GALP: variants seen among roughly 807,000 people sequenced by gnomAD.
The protein encoded by GALP is galanin like peptide.
GALP carries 12 observed loss-of-function variants against 15.2 expected under a neutral mutation model. That is an observed-to-expected ratio of 0.79 (90% CI 0.51 to 1.28). GALP has a LOEUF of 1.28. GALP is among the 50% of genes most tolerant of loss of function. The pLI is 0.00. For synonymous variants in GALP, 58 were observed against 55.1 expected, an observed-to-expected ratio of 1.05 and a Z score of -0.23; for missense variants, 161 against 145.6, an observed-to-expected ratio of 1.11 and a Z score of -0.55.
At chr19:56,176,108 C>G (rs374408323) in intron 1 of GALP, 46 bp downstream of exon 1, 2,185 of 103,214 alleles carry the variant, frequency 0.021, 33 homozygotes, top group East Asian at 0.1. Flanking sequence ...CCCAGCTGCA[C>G]CGGGGTGAGA....
intron 2 of GALP, among the ~76,000 whole-genome samples, chr19:56,179,806 T>C (rs2032532257): frequency 1.3e-5 from 2 of 151,968 alleles, no homozygotes; most frequent in Admixed American, 6.6e-5. Flanking sequence ...TTTTTTGTTT[T>C]GTTTTGTTTT....
At chr19:56,176,692 G>A (rs1014009006) in intron 1 of GALP, among the ~76,000 whole-genome samples, 1 of 151,834 alleles carries the variant, frequency 6.6e-6, no homozygotes, top group Non-Finnish European at 1.5e-5. Flanking sequence ...GGGCAGAGGG[G>A]TGGAGGGAGT....
In GALP at chr19:56,181,089, G is replaced by A. The variant is rs1468926415; in HGVS notation, c.136+455G>A. On this transcript the variant is annotated intron_variant, in intron 3 of 5. Coordinates refer to ENST00000357330, the MANE Select transcript of GALP (RefSeq NM_033106.4). ...ATTATAGGTGCCCAACAGCACGCCC[G>A]GCTAATTTTTGCATTTTTAGTAGAG... Among the ~76,000 whole-genome samples the A allele has an allele frequency of 4.6e-5, 7 of 151,330 alleles. No individual in the cohort carries two copies. In the East Asian group the frequency reaches 7.8e-4, roughly 17 times the overall value.
chr19:56,183,690 C>G (rs190571841), intron 5 of GALP, among the ~76,000 whole-genome samples: 3 of 152,050 alleles, frequency 2.0e-5, no homozygotes, highest in Non-Finnish European at 4.4e-5. Context: ...CTCCACCTTC[C>G]GTGTTCAAGC....
intron 5 of GALP, 133 bp downstream of exon 5, chr19:56,183,345 C>T: frequency 1.4e-6 from 1 of 711,978 alleles, no homozygotes. Context: ...CCTGTAACCA[C>T]AGCCACTACC....
intron 3 of GALP, 91 bp from the exon 4 acceptor site, chr19:56,182,081 C>T (rs547626140): frequency 1.3e-5 from 12 of 907,532 alleles, no homozygotes; most frequent in East Asian, 2.4e-5. Flanking sequence ...GCGCTGCGTC[C>T]GGTGAGCCAT....
rs778728668 is a variant in GALP, at chr19:56,182,263, G to A, written c.217+11G>A. On this transcript the variant is annotated intron_variant, in intron 4 of 5. Transcript: ENST00000357330. ...TGTGGAAGGCCATCGGTGAGTGAGC[G>A]GGGAGTTAGACGTCTTCTCCTGCGT... 29 of 1,604,588 alleles carry A rather than the reference G, an allele frequency of 1.8e-5. No homozygotes were observed. Among genetic ancestry groups the A allele is most frequent in the South Asian group, 1.2e-4 (11 of 90,864 alleles).
At chr19:56,180,411 A>G in intron 2 of GALP, among the ~76,000 whole-genome samples, 175 bp from the exon 3 acceptor site, 1 of 152,098 alleles carries the variant, frequency 6.6e-6, no homozygotes, top group East Asian at 1.9e-4. Flanking sequence ...TTTCCAGGCC[A>G]GTTGGCTTTG....
rs1484546482 is a variant in GALP, at chr19:56,182,249, A to G, written c.214A>G (p.Ile72Val). 3 of 1,612,556 alleles carry G rather than the reference A, an allele frequency of 1.9e-6. No individual in the cohort carries two copies. Among genetic ancestry groups the G allele is most frequent in the Admixed American group, 1.7e-5 (1 of 59,998 alleles). The change falls in exon 4 of 6, where the codon ATC (isoleucine) becomes GTC (valine). Residue 72 changes from isoleucine to valine, a missense_variant. Physicochemically the swap from Ile to Val is conservative, Grantham distance 29 (BLOSUM62 3). Transcript: ENST00000357330. The part of the protein sequence containing the change: ...ALEILDLWKA[I>V]DGLPYSHPPQ... The stretch of plus-strand genomic sequence containing the variant: ...TGAGATCCTAGACCTGTGGAAGGCC[A>G]TCGGTGAGTGAGCGGGGAGTTAGAC...
intron 3 of GALP, among the ~76,000 whole-genome samples, chr19:56,181,147 C>T (rs1413745074): frequency 4.6e-5 from 7 of 151,442 alleles, no homozygotes; most frequent in Admixed American, 2.6e-4. Flanking sequence ...AGTCTGGTCT[C>T]GAACTCCTGA....
chr19:56,177,123 C>G lies in GALP; in HGVS notation c.15C>G (p.Ser5=). ...TCCTGCCTTCGATGGCTCCTCCCTC[C>G]GTCCCCCTGGTCCTCCTCCTCGTCC... is the stretch of plus-strand genomic sequence containing the variant. MAPP[S]VPLVLLLVLL... Residue 5 remains serine, a synonymous_variant, in exon 2 of 6, where the codon TCC becomes TCG. Transcript: ENST00000357330. 2 of 1,613,266 alleles carry G rather than the reference C, an allele frequency of 1.2e-6. No homozygotes were observed. The highest frequency in any genetic ancestry group is 2.2e-5 in the South Asian group (2 of 90,942).
chr19:56,179,274 T>C (rs1226049962), intron 2 of GALP, among the ~76,000 whole-genome samples: 2 of 151,668 alleles, frequency 1.3e-5, no homozygotes, highest in African/African-American at 4.8e-5. Context: ...TTGTTGCAAT[T>C]TGCAGAATCT....
intron 3 of GALP, among the ~76,000 whole-genome samples, chr19:56,180,967 G>A (rs997785568): frequency 7.1e-6 from 1 of 141,180 alleles, no homozygotes; most frequent in African/African-American, 2.7e-5. Context: ...GCCCAGGCTG[G>A]AGTGCAATGG....
intron 5 of GALP, among the ~76,000 whole-genome samples, chr19:56,184,203 G>C (rs945481261): frequency 6.6e-6 from 1 of 152,056 alleles, no homozygotes; most frequent in African/African-American, 2.4e-5. Context: ...TGATCTGCCC[G>C]CCTTGGCCTC....
At position 56,182,158 on chromosome 19, in the gene GALP, C is replaced by G. The variant is rs1322115428; in HGVS notation, c.137-14C>G. On this transcript the variant is annotated splice_polypyrimidine_tract_variant and intron_variant, in intron 3 of 5. Transcript: ENST00000357330. ...AACCGACCACCTGCTCTTGCTCTCT[C>G]CCTCCCTACCCAGTCCTCCACCTTC... 1.2e-6 allele frequency: 2 copies of G among 1,602,574 alleles called. No individual in the cohort carries two copies. Among genetic ancestry groups the G allele is most frequent in the Non-Finnish European group, 1.7e-6 (2 of 1,169,582 alleles).
chr19:56,180,650 C>T lies in GALP; in HGVS notation c.136+16C>T. 1.9e-6 allele frequency: 3 copies of T among 1,611,498 alleles called. No individual in the cohort carries two copies. Among genetic ancestry groups the T allele is most frequent in the Non-Finnish European group, 2.5e-6 (3 of 1,177,742 alleles). On this transcript the variant is annotated intron_variant, in intron 3 of 5. Transcript: ENST00000357330. ...CTGGGTCCCGGTGAGTGAGGCTGCG[C>T]TCAGCTCTCCATCCCTGGCCCGAGT...
chr19:56,180,558 G>A (rs2032546224), intron 2 of GALP, 28 bp from the exon 3 acceptor site: 1 of 1,608,794 alleles, frequency 6.2e-7, no homozygotes, highest in African/African-American at 1.3e-5. Flanking sequence ...CTGTCTGCTT[G>A]AGTCTTGATT....
chr19:56,176,650 A>C (rs1565013), intron 1 of GALP, among the ~76,000 whole-genome samples: 63 of 41,058 alleles, frequency 1.5e-3, no homozygotes, highest in East Asian at 9.1e-3. Context: ...GGGTGGATCC[A>C]AGCTGCACTG....
chr19:56,184,855 C>CA (rs2032629104), intron 5 of GALP, among the ~76,000 whole-genome samples: 1 of 152,194 alleles, frequency 6.6e-6, no homozygotes, highest in South Asian at 2.1e-4. Flanking sequence ...ATTTCAAAAG[C>CA]ATGTACTGGA....
Sources: gnomAD v4.1 joint callset for allele counts (sites outside exome capture counted in the v4.1 genomes callset) on GRCh38, gnomAD v4.1.1 for gene constraint, MANE v1.5 for transcripts, NCBI Gene and HGNC (gene_info 2026-07-23, HGNC 2026-07-21) for gene names.